Variants in ABAT observed in about 807,000 individuals in gnomAD.
The protein encoded by ABAT is 4-aminobutyrate aminotransferase, mitochondrial.
Under a neutral mutation model 64.6 loss-of-function variants are expected in ABAT, and 45 were observed. The observed-to-expected ratio is 0.70, with a 90% CI of 0.55 to 0.89. The LOEUF (loss-of-function observed/expected upper bound fraction) is 0.89. Among genes scored for constraint, ABAT ranks in the 40% least tolerant of loss-of-function variants. The pLI is 0.00. For synonymous variants in ABAT, 297 were observed against 250.5 expected (o/e 1.19, Z -1.75); for missense variants, 633 against 658.4 (o/e 0.96, Z 0.42).
At chr16:8,736,611 G>A (rs13339388) in intron 2 of ABAT, 32,825 of 152,306 alleles carry the variant, frequency 0.22, 4,357 homozygotes, top group African/African-American at 0.38. Context: ...ACCATCTTAG[G>A]AATGTCTCAC....
chr16:8,728,068 CAGAGAGAG>C (rs112812315), intron 1 of ABAT, among the ~76,000 whole-genome samples: 39 of 150,566 alleles, frequency 2.6e-4, no homozygotes, highest in African/African-American at 9.0e-4. Flanking sequence ...GAGACCCTGT[CAGAGAGAG>C]AGAGAGAGAG....
In ABAT at chr16:8,764,393, TC is replaced by T. The variant is rs1261763596; in HGVS notation, c.447+245del. Among the ~76,000 whole-genome samples, 1 of 152,178 alleles carries T rather than the reference TC, an allele frequency of 6.6e-6. No individual in the cohort carries two copies. The highest frequency in any genetic ancestry group is 1.5e-5 in the Non-Finnish European group (1 of 68,026). On this transcript the variant is annotated intron_variant, in intron 7 of 15. Coordinates refer to ENST00000268251, the MANE Select transcript of ABAT (RefSeq NM_020686.6). The surrounding 1 kb of genome is among the most constrained non-coding windows in gnomAD (Gnocchi z 4.2). ...ATGATAGGAGCCTTGCATATGTCAT[TC>T]AATCCTGCCCCCACTTCTCGGTTTT...
Position 8,764,890 on chromosome 16 carries a change from C to G in ABAT, c.540+60C>G. 1 of 1,438,288 alleles carries G rather than the reference C, an allele frequency of 7.0e-7. No homozygotes were observed. Among genetic ancestry groups the G allele is most frequent in the Non-Finnish European group, 9.8e-7 (1 of 1,021,818 alleles). The allele number at this position is 1,438,288 out of a possible 1,614,324, so 89.1% of individuals were successfully genotyped here. On this transcript the variant is annotated intron_variant, in intron 8 of 15. Coordinates refer to ENST00000268251, the MANE Select transcript of ABAT (RefSeq NM_020686.6). The surrounding 1 kb of genome is among the most constrained non-coding windows in gnomAD (Gnocchi z 4.2). ...AGGCTCCCCAGCACCCAGCCACACG[C>G]TCACCCCTTGTCTGACTGTTCATTC... is the stretch of plus-strand genomic sequence containing the variant.
chr16:8,688,770 C>G (rs2057514545), intron 1 of ABAT, among the ~76,000 whole-genome samples: 1 of 152,170 alleles, frequency 6.6e-6, no homozygotes, highest in South Asian at 2.1e-4. Flanking sequence ...ATGGTTAATG[C>G]TTTTTGTGTC....
intron 1 of ABAT, among the ~76,000 whole-genome samples, chr16:8,706,198 A>C (rs1429272407): frequency 4.0e-5 from 6 of 151,542 alleles, no homozygotes; most frequent in Non-Finnish European, 2.9e-5. Flanking sequence ...ACTTGAGACC[A>C]GTCTGGGCAA....
intron 1 of ABAT, among the ~76,000 whole-genome samples, chr16:8,676,569 C>G (rs1329533029): frequency 6.6e-6 from 1 of 152,216 alleles, no homozygotes; most frequent in Non-Finnish European, 1.5e-5. Context: ...GTCAGCGCAT[C>G]CCTGCTTACC....
chr16:8,724,398 G>A (rs1481844839), intron 1 of ABAT, among the ~76,000 whole-genome samples: 2 of 152,178 alleles, frequency 1.3e-5, no homozygotes, highest in Non-Finnish European at 2.9e-5. Flanking sequence ...ACTGGCACGT[G>A]TTGTAACATT....
At chr16:8,762,971 C>T (rs1384707735) in intron 6 of ABAT, among the ~76,000 whole-genome samples, 7 of 151,628 alleles carry the variant, frequency 4.6e-5, no homozygotes, top group Admixed American at 2.6e-4. Flanking sequence ...TAGCTGGGTG[C>T]GGTGGCATGT....
chr16:8,708,146 C>T (rs911690205), intron 1 of ABAT, among the ~76,000 whole-genome samples: 1 of 143,836 alleles, frequency 7.0e-6, no homozygotes, highest in Non-Finnish European at 1.5e-5. Context: ...CCCTCTAATT[C>T]TCAGCCCATC....
chr16:8,676,495 AGG>A (rs1232153173), intron 1 of ABAT, among the ~76,000 whole-genome samples: 1 of 152,156 alleles, frequency 6.6e-6, no homozygotes, highest in Non-Finnish European at 1.5e-5. Flanking sequence ...GAAGCCAGGA[AGG>A]GGCAGAGCTG....
chr16:8,752,716 A>G (rs1211557362), intron 5 of ABAT, among the ~76,000 whole-genome samples: 7 of 152,164 alleles, frequency 4.6e-5, no homozygotes, highest in African/African-American at 9.7e-5. Flanking sequence ...GCAGTGGGCT[A>G]TGATCACTCC....
intron 1 of ABAT, among the ~76,000 whole-genome samples, chr16:8,718,842 T>C (rs1014237413): frequency 6.6e-6 from 1 of 152,188 alleles, no homozygotes; most frequent in Non-Finnish European, 1.5e-5. Context: ...ATACTTTGAA[T>C]TACAGAAAAG....
intron 2 of ABAT, among the ~76,000 whole-genome samples, chr16:8,742,586 C>A (rs142356415): frequency 6.6e-6 from 1 of 151,940 alleles, no homozygotes; most frequent in African/African-American, 2.4e-5. Flanking sequence ...AAACTAGGGC[C>A]GGGTACGGTG....
intron 1 of ABAT, among the ~76,000 whole-genome samples, chr16:8,732,446 G>C (rs1174079622): frequency 6.6e-6 from 1 of 150,596 alleles, no homozygotes; most frequent in South Asian, 2.1e-4. Context: ...CTGCCTTCAA[G>C]CATCTGTTTA....
chr16:8,781,753 C>G lies in ABAT; in HGVS notation c.*323C>G. Reference sequence around the variant, plus strand: ...CCTTGACCAACCCCAGCAATTTTTCCAAAAGCCAGTCAAGGGCATTACATT... The same window carrying G: ...CCTTGACCAACCCCAGCAATTTTTCGAAAAGCCAGTCAAGGGCATTACATT... On this transcript the variant is annotated 3_prime_UTR_variant, in exon 16 of 16. Transcript: ENST00000268251. This position sits in a 1 kb window ranked among gnomAD's most constrained non-coding sequence, Gnocchi z 4.5. 1 of 432,582 alleles carries G rather than the reference C, an allele frequency of 2.3e-6. No homozygotes were observed. Among genetic ancestry groups the G allele is most frequent in the Non-Finnish European group, 4.3e-6 (1 of 232,060 alleles). 26.8% of individuals were successfully genotyped at this position (432,582 alleles called of 1,614,324 possible).
intron 1 of ABAT, among the ~76,000 whole-genome samples, chr16:8,693,670 T>C (rs1289031164): frequency 1.3e-5 from 2 of 152,208 alleles, no homozygotes; most frequent in Admixed American, 1.3e-4. Flanking sequence ...GGTTTTGCCA[T>C]GTTGGCCAGG....
At chr16:8,691,259 A>G (rs2057573981) in intron 1 of ABAT, among the ~76,000 whole-genome samples, 1 of 152,116 alleles carries the variant, frequency 6.6e-6, no homozygotes, top group African/African-American at 2.4e-5. Context: ...AACCCATTTT[A>G]CAGATGAGGG....
chr16:8,779,736 A>T, intron 15 of ABAT, 146 bp downstream of exon 15: 1 of 711,342 alleles, frequency 1.4e-6, no homozygotes, highest in South Asian at 1.5e-5. Flanking sequence ...CTCTTTCTCC[A>T]AAGAAGAGAA....
chr16:8,691,632 G>A (rs1023167663), intron 1 of ABAT, among the ~76,000 whole-genome samples: 1 of 152,178 alleles, frequency 6.6e-6, no homozygotes, highest in Non-Finnish European at 1.5e-5. Flanking sequence ...ATAGAGAGGG[G>A]GTTTCGCCAT....
Sources: allele counts gnomAD v4.1 joint callset (sites outside exome capture counted in the v4.1 genomes callset), GRCh38; gene constraint gnomAD v4.1.1; non-coding constraint Gnocchi (gnomAD v3.1); transcripts MANE v1.5; gene names NCBI Gene and HGNC (gene_info 2026-07-23, HGNC 2026-07-21).